NCALD: variants seen among roughly 807,000 people sequenced by gnomAD.
The protein encoded by NCALD is neurocalcin-delta.
A neutral mutation model predicts 18.6 loss-of-function variants in NCALD; 10 were observed. The observed-to-expected ratio is 0.54, with a 90% confidence interval of 0.33 to 0.91. NCALD has a LOEUF of 0.91. Among genes scored for constraint, NCALD ranks in the 40% least tolerant of loss-of-function variants. NCALD has a pLI of 0.03. For missense variants in NCALD, 184 were observed against 247.6 expected, an observed-to-expected ratio of 0.74 and a Z score of 1.72; for synonymous variants, 88 against 87.4, an observed-to-expected ratio of 1.01 and a Z score of -0.04.
intron 2 of NCALD, among the ~76,000 whole-genome samples, chr8:101,704,729 C>A (rs1369799015): frequency 1.3e-5 from 2 of 151,084 alleles, no homozygotes; most frequent in East Asian, 3.9e-4. Context: ...ACCAGCCTGG[C>A]CAACATGGTG....
chr8:101,770,709 G>A (rs185818913), intron 1 of NCALD, among the ~76,000 whole-genome samples: 2 of 152,172 alleles, frequency 1.3e-5, no homozygotes, highest in African/African-American at 4.8e-5. Flanking sequence ...TCAAGGCACA[G>A]GGCAGAGACA....
intron 1 of NCALD, among the ~76,000 whole-genome samples, chr8:102,062,353 A>C (rs1823875433): frequency 6.6e-6 from 1 of 152,228 alleles, no homozygotes; most frequent in Admixed American, 6.5e-5. Flanking sequence ...TTTTGAAAAA[A>C]GGAAAAATAA....
intron 4 of NCALD, among the ~76,000 whole-genome samples, chr8:101,875,086 G>A (rs948508383): frequency 1.3e-5 from 2 of 152,134 alleles, no homozygotes; most frequent in Admixed American, 1.3e-4. Context: ...GCTATGTGCC[G>A]GGAAGTAGTC....
chr8:101,882,748 G>A (rs1239591978), intron 4 of NCALD, among the ~76,000 whole-genome samples: 2 of 152,140 alleles, frequency 1.3e-5, no homozygotes, highest in East Asian at 3.9e-4. Flanking sequence ...ATCCTCACTG[G>A]TGCCCTGGTG....
At chr8:101,707,307 G>A (rs183162788) in intron 2 of NCALD, among the ~76,000 whole-genome samples, 1 of 152,302 alleles carries the variant, frequency 6.6e-6, no homozygotes, top group Non-Finnish European at 1.5e-5. Context: ...CTCTGTGGCA[G>A]AACTACTAAC....
intron 4 of NCALD, among the ~76,000 whole-genome samples, chr8:101,844,388 T>C (rs1290725436): frequency 6.7e-6 from 1 of 150,366 alleles, no homozygotes; most frequent in Non-Finnish European, 1.5e-5. Flanking sequence ...GAGATGAGGG[T>C]CTGGCTCTTT....
intron 1 of NCALD, among the ~76,000 whole-genome samples, chr8:101,785,112 ATTTG>A (rs1358538028): frequency 1.3e-5 from 2 of 152,204 alleles, no homozygotes; most frequent in African/African-American, 4.8e-5. Flanking sequence ...ACACTCAGCA[ATTTG>A]TTTAAGCTCT....
intron 1 of NCALD, among the ~76,000 whole-genome samples, chr8:101,766,585 G>A (rs1811357180): frequency 6.6e-6 from 1 of 152,030 alleles, no homozygotes; most frequent in Non-Finnish European, 1.5e-5. Context: ...TTCTTTGTTT[G>A]TTGTTTTTGT....
At chr8:102,049,787 T>C (rs1346032807) in intron 1 of NCALD, among the ~76,000 whole-genome samples, 1 of 152,190 alleles carries the variant, frequency 6.6e-6, no homozygotes, top group Non-Finnish European at 1.5e-5. Context: ...ATAGATTATG[T>C]TAACCATCTT....
At position 101,787,526 on chromosome 8, in the gene NCALD, G is replaced by A. The variant is rs149497145; in HGVS notation, c.-20+3336C>T. ...GACATTCTGAATATAGGGCTGTGAC[G>A]GCAGCTGACCAACTGCAAAGTTACG... On this transcript the variant is annotated intron_variant, in intron 1 of 3. Coordinates refer to ENST00000220931, the MANE Select transcript of NCALD (RefSeq NM_032041.3). Among the ~76,000 whole-genome samples, 1,300 of 152,222 alleles carry A rather than the reference G, an allele frequency of 8.5e-3. 13 individuals carry two copies. Among genetic ancestry groups the A allele is most frequent in the Non-Finnish European group, 0.013 (913 of 68,010 alleles).
chr8:101,936,754 G>A (rs750438018), intron 2 of NCALD, among the ~76,000 whole-genome samples: 1 of 152,100 alleles, frequency 6.6e-6, no homozygotes, highest in Non-Finnish European at 1.5e-5. Flanking sequence ...CCAAGGTTGA[G>A]AACCGCTGGT....
intron 3 of NCALD, among the ~76,000 whole-genome samples, chr8:101,890,755 G>A (rs753723103): frequency 6.6e-6 from 1 of 152,162 alleles, no homozygotes; most frequent in Non-Finnish European, 1.5e-5. Context: ...ATTTCTATTA[G>A]TTATAAATTA....
intron 2 of NCALD, among the ~76,000 whole-genome samples, chr8:102,002,047 G>A (rs371813529): frequency 2.0e-5 from 3 of 152,064 alleles, no homozygotes; most frequent in Non-Finnish European, 4.4e-5. Context: ...AAATGTAAAT[G>A]GGCTAAATGC....
intron 3 of NCALD, chr8:101,690,684 G>A: frequency 2.0e-6 from 2 of 985,468 alleles, no homozygotes; most frequent in South Asian, 9.4e-5. Context: ...GAAGGAAAAA[G>A]ATAGGGATGC....
At chr8:101,948,437 T>A (rs1166467073) in intron 2 of NCALD, among the ~76,000 whole-genome samples, 1 of 152,140 alleles carries the variant, frequency 6.6e-6, no homozygotes, top group East Asian at 1.9e-4. Context: ...AAACTTTAGA[T>A]ATGAGGAGTT....
At position 102,043,323 on chromosome 8, in the gene NCALD, G is replaced by GT. The variant is rs1444544759; in HGVS notation, c.-209-23035dup. On this transcript the variant is annotated intron_variant, in intron 1 of 6. Coordinates refer to the NCALD transcript ENST00000311028. ...GATTCGAGTTTTTAAAATTTGTTTA[G>GT]TTTTTTGTTTTGTTTTGTTTTGTTT... 1.3e-5 allele frequency among the ~76,000 whole-genome samples: 2 copies of GT among 151,840 alleles called. 1 individual carries two copies. Among genetic ancestry groups the GT allele is most frequent in the African/African-American group, 4.9e-5 (2 of 41,202 alleles).
At chr8:101,994,945 T>G (rs769320968) in intron 2 of NCALD, among the ~76,000 whole-genome samples, 40 of 152,224 alleles carry the variant, frequency 2.6e-4, no homozygotes, top group Non-Finnish European at 4.9e-4. Flanking sequence ...ACAGCTACTT[T>G]GTAGGATTGC....
intron 3 of NCALD, among the ~76,000 whole-genome samples, chr8:101,890,959 A>G (rs1439924332): frequency 6.6e-6 from 1 of 152,230 alleles, no homozygotes; most frequent in African/African-American, 2.4e-5. Context: ...AATATTAGAT[A>G]ACATGGAATA....
chr8:101,707,880 TAATAAATAAATA>T (rs562856899), intron 2 of NCALD, among the ~76,000 whole-genome samples: 3 of 151,244 alleles, frequency 2.0e-5, no homozygotes, highest in Non-Finnish European at 2.9e-5. Context: ...AAAATGGTAA[TAATAAATAAATA>T]AATAAATAAA....
Sources: gnomAD v4.1 joint callset for allele counts (sites outside exome capture counted in the v4.1 genomes callset) on GRCh38, gnomAD v4.1.1 for gene constraint, MANE v1.5 for transcripts, NCBI Gene and HGNC (gene_info 2026-07-23, HGNC 2026-07-21) for gene names.